PBX1: variants seen among roughly 807,000 people sequenced by gnomAD.
PBX1 encodes the protein PBX homeobox 1.
A neutral mutation model predicts 53.4 loss-of-function variants in PBX1; 6 were observed. The observed-to-expected ratio is 0.11, with a 90% CI of 0.06 to 0.22. PBX1 has a LOEUF of 0.22. PBX1 is among the 10% of genes least tolerant of loss of function. The pLI is 1.00. For synonymous variants in PBX1, 204 were observed against 212.3 expected (o/e 0.96, Z 0.34); for missense variants, 251 against 551.4 (o/e 0.46, Z 5.46).
At chr1:164,653,366 T>G (rs1659953263) in intron 2 of PBX1, among the ~76,000 whole-genome samples, 1 of 152,030 alleles carries the variant, frequency 6.6e-6, no homozygotes, top group Non-Finnish European at 1.5e-5. Flanking sequence ...TTTTTAAATC[T>G]TTTTACAATA....
intron 2 of PBX1, among the ~76,000 whole-genome samples, chr1:164,635,084 G>T (rs1658667151): frequency 6.8e-6 from 1 of 147,878 alleles, no homozygotes; most frequent in Admixed American, 6.8e-5. Flanking sequence ...TGTGTGTGGG[G>T]GAAGGGGTTT....
chr1:164,791,173 C>T (rs576376212), intron 2 of PBX1, among the ~76,000 whole-genome samples: 39 of 152,314 alleles, frequency 2.6e-4, no homozygotes, highest in East Asian at 2.5e-3. Context: ...TGGCTGCTGA[C>T]AACTGAACTG....
chr1:164,784,591 G>A (rs1668086247), intron 2 of PBX1, among the ~76,000 whole-genome samples: 1 of 152,210 alleles, frequency 6.6e-6, no homozygotes, highest in African/African-American at 2.4e-5. Context: ...TGTCTCAAGA[G>A]TGTCATATAA....
At chr1:164,839,007 C>T (rs1485565765) in intron 8 of PBX1, among the ~76,000 whole-genome samples, 1 of 152,210 alleles carries the variant, frequency 6.6e-6, no homozygotes, top group African/African-American at 2.4e-5. Context: ...GCTAAGTCCT[C>T]TCCTCTCCGG....
chr1:164,658,837 A>G (rs778576591), intron 2 of PBX1, among the ~76,000 whole-genome samples: 3 of 152,202 alleles, frequency 2.0e-5, no homozygotes, highest in African/African-American at 4.8e-5. Flanking sequence ...GTGCACTACA[A>G]CCTTTTGAGG....
At chr1:164,876,266 G>A (rs1672509096) in intron 2 of PBX1, among the ~76,000 whole-genome samples, 1 of 151,972 alleles carries the variant, frequency 6.6e-6, no homozygotes, top group South Asian at 2.1e-4. Context: ...ATTTAAAATG[G>A]ATGGCGCAGC....
At chr1:164,880,463 G>A (rs1031916038) in intron 2 of PBX1, among the ~76,000 whole-genome samples, 1 of 152,198 alleles carries the variant, frequency 6.6e-6, no homozygotes, top group Non-Finnish European at 1.5e-5. Flanking sequence ...CCAAGGTGTG[G>A]GGACTTGGGA....
At chr1:164,857,213 C>T (rs1341270024) in intron 2 of PBX1, among the ~76,000 whole-genome samples, 1 of 152,142 alleles carries the variant, frequency 6.6e-6, no homozygotes, top group Non-Finnish European at 1.5e-5. Flanking sequence ...ATGACTCCCT[C>T]CTCAAATTCA....
rs139737020 is a variant in PBX1 at position 164,622,764 on chromosome 1, T to TCACA, written c.265+59467_265+59470dup. On this transcript the variant is annotated intron_variant, in intron 2 of 8. Coordinates refer to ENST00000420696, the MANE Select transcript of PBX1 (RefSeq NM_002585.4). ...CCACAACCACTTTGCTGGTGTGTGC[T>TCACA]CACACACACACACACACTGACACAT... Among the ~76,000 whole-genome samples, 1,267 of 149,350 alleles carry TCACA rather than the reference T, an allele frequency of 8.5e-3. 23 individuals are homozygous for TCACA. Among genetic ancestry groups the TCACA allele is most frequent in the African/African-American group, 0.03 (1,212 of 40,680 alleles).
chr1:164,826,108 C>A (rs957986230), intron 8 of PBX1, among the ~76,000 whole-genome samples: 1 of 152,172 alleles, frequency 6.6e-6, no homozygotes, highest in African/African-American at 2.4e-5. Context: ...ATTAGATAAG[C>A]AAACTGAAAG....
At chr1:164,786,720 T>TGTGCGCGCGCGC (rs1357886882) in intron 2 of PBX1, among the ~76,000 whole-genome samples, 35 of 116,292 alleles carry the variant, frequency 3.0e-4, no homozygotes, top group East Asian at 2.4e-3. Context: ...TGTGTGTGTG[T>TGTGCGCGCGCGC]GCGCGCGCAC....
At position 164,655,115 on chromosome 1, in the gene PBX1, TTATTTTTA is replaced by T. The variant is rs762117711; in HGVS notation, c.265+91806_265+91813del. On this transcript the variant is annotated intron_variant, in intron 2 of 8. Coordinates refer to ENST00000420696, the MANE Select transcript of PBX1 (RefSeq NM_002585.4). Reference sequence around the variant, plus strand: ...TCTGATGTGTGTTTTTTTTTTTTTTTTATTTTTATTTTTTTAAGACGGAATTTCACTTT... The same window carrying T: ...TCTGATGTGTGTTTTTTTTTTTTTTTTTTTTTTAAGACGGAATTTCACTTT... Among the ~76,000 whole-genome samples the T allele has an allele frequency of 8.3e-3, 1,142 of 137,192 alleles. 17 individuals carry two copies. Among genetic ancestry groups the T allele is most frequent in the African/African-American group, 0.029 (1,089 of 37,396 alleles). 90.0% of individuals were successfully genotyped at this position (137,192 alleles called of 152,430 possible).
chr1:164,771,871 T>C (rs906788448), intron 2 of PBX1, among the ~76,000 whole-genome samples: 1 of 152,124 alleles, frequency 6.6e-6, no homozygotes, highest in African/African-American at 2.4e-5. Context: ...GCCAGACCTG[T>C]CTGTCTGAGA....
intron 2 of PBX1, among the ~76,000 whole-genome samples, chr1:164,656,840 C>A (rs991570916): frequency 2.6e-5 from 4 of 151,886 alleles, no homozygotes; most frequent in African/African-American, 9.7e-5. Flanking sequence ...TATCCTATTA[C>A]ATATATTATA....
intron 2 of PBX1, among the ~76,000 whole-genome samples, chr1:164,784,851 T>G (rs143145936): frequency 6.6e-6 from 1 of 152,196 alleles, no homozygotes; most frequent in Non-Finnish European, 1.5e-5. Flanking sequence ...ATTTACTAAA[T>G]CCTTCAAATC....
intron 2 of PBX1, chr1:164,773,022 G>A (rs533161277): frequency 6.6e-6 from 1 of 152,276 alleles, no homozygotes; most frequent in South Asian, 2.1e-4. Context: ...TCATCTCCAA[G>A]GTAATTCTTG....
chr1:164,729,201 T>G (rs973468548), intron 2 of PBX1, among the ~76,000 whole-genome samples: 10 of 152,216 alleles, frequency 6.6e-5, no homozygotes, highest in Admixed American at 2.0e-4. Flanking sequence ...ATTCTTACAG[T>G]GAGTAGGAAA....
rs186992032 is a variant in PBX1, at chr1:164,754,537, G to C, written c.266-37957G>C. Among the ~76,000 whole-genome samples, 256 of 152,334 alleles carry C rather than the reference G, an allele frequency of 1.7e-3. 1 individual carries two copies. Among genetic ancestry groups the C allele is most frequent in the Middle Eastern group, 3.4e-3 (1 of 294 alleles). ...CAACACGTAAAACTGGCATCAACCT[G>C]TCTGTGGGTTTCAATGCTGTTGCAT... On this transcript the variant is annotated intron_variant, in intron 2 of 8. Transcript: ENST00000420696.
At chr1:164,680,008 A>G (rs1661665069) in intron 2 of PBX1, 1 of 152,170 alleles carries the variant, frequency 6.6e-6, no homozygotes, top group South Asian at 2.1e-4. Context: ...AGTCACGTGA[A>G]TTAATTAACA....
Sources: allele counts gnomAD v4.1 joint callset (sites outside exome capture counted in the v4.1 genomes callset), GRCh38; gene constraint gnomAD v4.1.1; transcripts MANE v1.5; gene names NCBI Gene and HGNC (gene_info 2026-07-23, HGNC 2026-07-21).